The following C1orf21 variants were observed in gnomAD, a reference collection of about 807,000 sequenced individuals.
C1orf21 encodes chromosome 1 open reading frame 21.
Under a neutral mutation model 18.7 loss-of-function variants are expected in C1orf21, and 3 were observed. The observed-to-expected ratio is 0.16, with a 90% confidence interval of 0.07 to 0.42. C1orf21 has a LOEUF of 0.42. Among genes scored for constraint, C1orf21 ranks in the 10% least tolerant of loss-of-function variants. C1orf21 has a pLI of 0.99. For synonymous variants in C1orf21, 41 were observed against 46.4 expected (o/e 0.88, Z 0.47); for missense variants, 104 against 143.6 (o/e 0.72, Z 1.41).
At chr1:184,443,826 C>T (rs2101976214) in intron 1 of C1orf21, among the ~76,000 whole-genome samples, 1 of 152,212 alleles carries the variant, frequency 6.6e-6, no homozygotes, top group South Asian at 2.1e-4. Context: ...GGATACCAAG[C>T]ATATCCTGAA....
chr1:184,572,778 C>T (rs1659130673), intron 3 of C1orf21, among the ~76,000 whole-genome samples: 1 of 151,972 alleles, frequency 6.6e-6, no homozygotes, highest in Admixed American at 6.6e-5. Flanking sequence ...ATGGTGAAAC[C>T]CCATCTCTAC....
intron 3 of C1orf21, among the ~76,000 whole-genome samples, chr1:184,571,181 C>T (rs1214790741): frequency 6.6e-6 from 1 of 150,548 alleles, no homozygotes; most frequent in Non-Finnish European, 1.5e-5. Flanking sequence ...CCTGTAGTCC[C>T]AGCTACTTGG....
intron 1 of C1orf21, among the ~76,000 whole-genome samples, chr1:184,459,366 A>G (rs1459554723): frequency 6.6e-6 from 1 of 152,314 alleles, no homozygotes; most frequent in East Asian, 1.9e-4. Context: ...CAAGTTGTTA[A>G]ATTTGTACCC....
intron 3 of C1orf21, among the ~76,000 whole-genome samples, chr1:184,514,399 T>G (rs1039263758): frequency 6.6e-6 from 1 of 152,186 alleles, no homozygotes; most frequent in Non-Finnish European, 1.5e-5. Flanking sequence ...AATTACCAGT[T>G]TGGATGGTGT....
intron 3 of C1orf21, among the ~76,000 whole-genome samples, chr1:184,577,798 A>T (rs116466102): frequency 1.3e-5 from 2 of 152,170 alleles, no homozygotes; most frequent in African/African-American, 4.8e-5. Context: ...GACATGATGG[A>T]TGATACATTT....
chr1:184,569,339 A>G (rs1015533270), intron 3 of C1orf21, among the ~76,000 whole-genome samples: 5 of 152,198 alleles, frequency 3.3e-5, no homozygotes, highest in African/African-American at 2.4e-5. Flanking sequence ...TCTCATTTCC[A>G]TCATCAGTGG....
intron 2 of C1orf21, 119 bp downstream of exon 2, chr1:184,477,722 G>T: frequency 1.3e-6 from 1 of 754,174 alleles, no homozygotes; most frequent in Non-Finnish European, 2.2e-6. Flanking sequence ...TACATGCCTA[G>T]AATGTGTAAC....
chr1:184,497,204 T>A (rs1274340108), intron 2 of C1orf21, among the ~76,000 whole-genome samples: 1 of 152,172 alleles, frequency 6.6e-6, no homozygotes, highest in East Asian at 1.9e-4. Flanking sequence ...GCTTCCCAGG[T>A]TGTGGAAGTT....
intron 1 of C1orf21, among the ~76,000 whole-genome samples, chr1:184,444,368 GT>G (rs1157253937): frequency 1.3e-5 from 2 of 152,106 alleles, no homozygotes; most frequent in East Asian, 3.9e-4. Flanking sequence ...AGTTTCCACC[GT>G]ACTGTTCTTG....
chr1:184,556,272 C>T (rs1658877982), intron 3 of C1orf21, among the ~76,000 whole-genome samples: 1 of 152,210 alleles, frequency 6.6e-6, no homozygotes, highest in Non-Finnish European at 1.5e-5. Context: ...AAGGAACCTG[C>T]AGTGCCTGCT....
intron 3 of C1orf21, 83 bp from the exon 4 acceptor site, chr1:184,590,656 C>T (rs1013048345): frequency 7.3e-6 from 10 of 1,370,014 alleles, no homozygotes; most frequent in South Asian, 2.4e-5. Context: ...ACAGATTGAA[C>T]GTTTGTGTGA....
chr1:184,454,261 G>T (rs1657162934), intron 1 of C1orf21, among the ~76,000 whole-genome samples: 1 of 152,076 alleles, frequency 6.6e-6, no homozygotes, highest in South Asian at 2.1e-4. Flanking sequence ...TATTTTGTAT[G>T]GATAATCGCT....
intron 3 of C1orf21, among the ~76,000 whole-genome samples, chr1:184,581,429 C>CAA (rs35666369): frequency 0.072 from 9,368 of 129,570 alleles, 377 homozygotes; most frequent in Non-Finnish European, 0.096. Flanking sequence ...GACCCTGTCT[C>CAA]AAAAAAAAAA....
chr1:184,524,556 C>T (rs571787871), intron 3 of C1orf21, among the ~76,000 whole-genome samples: 6 of 152,080 alleles, frequency 3.9e-5, no homozygotes, highest in Admixed American at 3.3e-4. Flanking sequence ...TCTAAAATCA[C>T]TCATCTACTC....
chr1:184,424,133 A>T (rs1465631426), intron 1 of C1orf21, among the ~76,000 whole-genome samples: 1 of 151,860 alleles, frequency 6.6e-6, no homozygotes, highest in Non-Finnish European at 1.5e-5. Flanking sequence ...TTTTCTTGTA[A>T]TACACTGACA....
chr1:184,400,493 T>C (rs904739261), intron 1 of C1orf21, among the ~76,000 whole-genome samples: 1 of 152,236 alleles, frequency 6.6e-6, no homozygotes, highest in African/African-American at 2.4e-5. Context: ...AAAGGTTGCC[T>C]ACTGTAGTTC....
intron 3 of C1orf21, among the ~76,000 whole-genome samples, chr1:184,529,961 T>C (rs1210165204): frequency 6.6e-6 from 1 of 152,218 alleles, no homozygotes; most frequent in Non-Finnish European, 1.5e-5. Context: ...GCCAAGAATC[T>C]TAACACCTTT....
In C1orf21 at chr1:184,594,114, CTACTTTAA is replaced by C. The variant is rs542405203; in HGVS notation, c.266+3300_266+3307del. On this transcript the variant is annotated intron_variant, in intron 4 of 5. Transcript: ENST00000235307. ...TTTGGTTTCACAGGTGTTTATTATA[CTACTTTAA>C]AAAAATAATTAACAAAATAAATAAA... is the stretch of plus-strand genomic sequence containing the variant. Among the ~76,000 whole-genome samples, 10 of 152,178 alleles carry C rather than the reference CTACTTTAA, an allele frequency of 6.6e-5. 1 individual carries two copies. The East Asian group carries it at 9.7e-4, about 15-fold the overall frequency.
intron 1 of C1orf21, among the ~76,000 whole-genome samples, chr1:184,450,260 A>AC (rs1313376207): frequency 6.6e-6 from 1 of 152,114 alleles, no homozygotes; most frequent in Non-Finnish European, 1.5e-5. Flanking sequence ...CACCACACTG[A>AC]ATGCAGGCTT....
Sources: allele counts gnomAD v4.1 joint callset (sites outside exome capture counted in the v4.1 genomes callset), GRCh38; gene constraint gnomAD v4.1.1; transcripts MANE v1.5; gene names NCBI Gene and HGNC (gene_info 2026-07-23, HGNC 2026-07-21).